The following TXNL4B variants were observed in gnomAD, a reference collection of about 807,000 sequenced individuals.
The protein encoded by TXNL4B is thioredoxin like 4B, also known as thioredoxin-like protein 4B.
In TXNL4B, 12 loss-of-function variants were observed where a neutral mutation model predicts 13.0. The ratio of observed to expected loss-of-function variants is 0.92; its 90% CI spans 0.59 to 1.49. The LOEUF is 1.49. Ranked by LOEUF, TXNL4B falls within the 40% of genes most tolerant of loss-of-function variation. TXNL4B has a pLI of 0.00. For synonymous variants in TXNL4B, 59 were observed against 58.9 expected (o/e 1.00, Z -0.01); for missense variants, 214 against 173.6 (o/e 1.23, Z -1.31).
In TXNL4B at chr16:72,089,158, C is replaced by A. The variant is rs1360553051; in HGVS notation, c.133-20G>T. 6.3e-7 allele frequency: 1 copy of A among 1,594,080 alleles called. No individual in the cohort carries two copies. Among genetic ancestry groups the A allele is most frequent in the Middle Eastern group, 1.7e-4 (1 of 6,012 alleles). On this transcript the variant is annotated intron_variant, in intron 2 of 3. Coordinates refer to ENST00000268483, the MANE Select transcript of TXNL4B (RefSeq NM_017853.3). Reference sequence around the variant, plus strand: ...AGAAAGCTGCAAATGACGAGAGAGACAAAGGTTACAATATGAGAGGCAGCT... The same window carrying A: ...AGAAAGCTGCAAATGACGAGAGAGAAAAAGGTTACAATATGAGAGGCAGCT...
At chr16:72,087,262 T>G (rs1264072656) in intron 3 of TXNL4B, 1 of 153,474 alleles carries the variant, frequency 6.5e-6, no homozygotes, top group Non-Finnish European at 1.4e-5. Flanking sequence ...GTAAAAATTT[T>G]AAAGAAATAA....
intron 2 of TXNL4B, among the ~76,000 whole-genome samples, chr16:72,089,831 CAG>C (rs1286149551): frequency 1.3e-5 from 2 of 152,142 alleles, no homozygotes; most frequent in Non-Finnish European, 2.9e-5. Context: ...TATATGCTAT[CAG>C]AGTCCCCATT....
In TXNL4B at chr16:72,093,464, C is replaced by G. The variant is rs2041951068; in HGVS notation, c.-135G>C. 6.6e-6 allele frequency: 1 copy of G among 152,300 alleles called. No homozygotes were observed. The highest frequency in any genetic ancestry group is 6.5e-5 in the Admixed American group (1 of 15,292). The allele number at this position is 152,300 out of a possible 1,614,324, so 9.4% of individuals were successfully genotyped here. ...CGCGGACAGCTCCTTTCATCAGCCC[C>G]AAGCCGGACAGGACCCTAAGACCAA... On this transcript the variant is annotated 5_prime_UTR_variant, in exon 1 of 4. Transcript: ENST00000268483.
intron 2 of TXNL4B, 87 bp from the exon 3 acceptor site, chr16:72,089,225 T>G (rs532894306): frequency 1.6e-6 from 2 of 1,268,188 alleles, no homozygotes; most frequent in African/African-American, 3.0e-5. Flanking sequence ...ACAGAGTGTT[T>G]TGTTTGAAAA....
chr16:72,091,217 C>T (rs1308659363), intron 1 of TXNL4B, among the ~76,000 whole-genome samples: 1 of 152,100 alleles, frequency 6.6e-6, no homozygotes, highest in Admixed American at 6.5e-5. Flanking sequence ...TACTTTGGGG[C>T]TAGTAACAGC....
chr16:72,086,725 C>A lies in TXNL4B; in HGVS notation c.362G>T (p.Arg121Leu). The change falls in exon 4 of 4, where the codon CGA (arginine) becomes CTA (leucine). Residue 121 changes from arginine (R) to leucine (L), a missense_variant. By Grantham distance (102) the Arg-to-Leu change is moderately radical. Transcript: ENST00000268483. ...DFIDLIEVIYRGAMRGKLIVQ... is the reference protein window; with the variant it reads ...DFIDLIEVIYLGAMRGKLIVQ... ...AATAAGCTTCCCCCTCATTGCTCCTCGATAGATTACTTCAATCAAATCTAT... is the reference window on the plus strand; with the variant it reads ...AATAAGCTTCCCCCTCATTGCTCCTAGATAGATTACTTCAATCAAATCTAT... The A allele has an allele frequency of 1.2e-6, 2 of 1,613,824 alleles. No individual in the cohort carries two copies. The highest frequency in any genetic ancestry group is 1.7e-6 in the Non-Finnish European group (2 of 1,179,738).
rs574388203 is a variant in TXNL4B, at chr16:72,089,603, G to A, written c.133-465C>T. Among the ~76,000 whole-genome samples the A allele has an allele frequency of 1.2e-4, 18 of 152,270 alleles. No individual in the cohort carries two copies. In the East Asian group the frequency reaches 3.5e-3, roughly 29 times the overall value. ...CTTCCTTTAATTTCTTTCTTTGAAT[G>A]CTTTTATAAAAGTAGCCCATGCTCA... On this transcript the variant is annotated intron_variant, in intron 2 of 3. Coordinates refer to ENST00000268483, the MANE Select transcript of TXNL4B (RefSeq NM_017853.3).
intron 1 of TXNL4B, among the ~76,000 whole-genome samples, chr16:72,092,350 T>C (rs532583945): frequency 5.3e-5 from 8 of 151,812 alleles, no homozygotes; most frequent in South Asian, 2.1e-4. Flanking sequence ...GAGGCGGAGG[T>C]TGCAGTGAGC....
intron 3 of TXNL4B, among the ~76,000 whole-genome samples, chr16:72,088,469 G>C (rs1453273375): frequency 6.6e-6 from 1 of 152,192 alleles, no homozygotes; most frequent in Non-Finnish European, 1.5e-5. Flanking sequence ...TTCTTGACAG[G>C]CTTTGTTGAA....
Position 72,085,001 on chromosome 16 carries a change from G to A in TXNL4B, c.*1636C>T. ...TTTTACGTGATGCTGGGCACCTCGGGGACCTAAGATGGCTGTTGTAGCTCC... is the reference window on the plus strand; with the variant it reads ...TTTTACGTGATGCTGGGCACCTCGGAGACCTAAGATGGCTGTTGTAGCTCC... On this transcript the variant is annotated 3_prime_UTR_variant, in exon 4 of 4. Transcript: ENST00000268483. The A allele has an allele frequency of 1.3e-5, 5 of 398,588 alleles. No individual in the cohort carries two copies. Among genetic ancestry groups the A allele is most frequent in the Non-Finnish European group, 2.2e-5 (5 of 226,086 alleles). The allele number at this position is 398,588 out of a possible 1,614,324, so 24.7% of individuals were successfully genotyped here.
intron 3 of TXNL4B, among the ~76,000 whole-genome samples, chr16:72,087,805 C>T (rs1427342712): frequency 1.3e-5 from 2 of 152,102 alleles, no homozygotes; most frequent in Admixed American, 6.5e-5. Context: ...GTTGGGATTA[C>T]AGGCACCCAC....
intron 1 of TXNL4B, 145 bp from the exon 2 acceptor site, chr16:72,090,931 C>A: frequency 1.5e-6 from 1 of 672,588 alleles, no homozygotes. Flanking sequence ...GTTTCCCTCT[C>A]TTTGTCCCTG....
At chr16:72,090,887 T>C in intron 1 of TXNL4B, 101 bp from the exon 2 acceptor site, 2 of 928,204 alleles carry the variant, frequency 2.2e-6, no homozygotes, top group Non-Finnish European at 3.2e-6. Flanking sequence ...TCACATGGTA[T>C]GAAAGAAACA....
At chr16:72,086,863 CT>C (rs2041831061) in intron 3 of TXNL4B, 61 bp from the exon 4 acceptor site, 1 of 1,321,640 alleles carries the variant, frequency 7.6e-7, no homozygotes, top group African/African-American at 1.5e-5. Context: ...TTGTTGAAGA[CT>C]TTCAGGATAA....
At chr16:72,087,938 G>C (rs1189210231) in intron 3 of TXNL4B, among the ~76,000 whole-genome samples, 1 of 152,132 alleles carries the variant, frequency 6.6e-6, no homozygotes, top group African/African-American at 2.4e-5. Context: ...TTCTGCCTCA[G>C]CCTCCAGAGT....
Position 72,084,999 on chromosome 16 carries a change from G to A in TXNL4B, c.*1638C>T, listed in dbSNP as rs138220354. 3.8e-5 allele frequency: 15 copies of A among 398,516 alleles called. No individual in the cohort carries two copies. Among genetic ancestry groups the A allele is most frequent in the Non-Finnish European group, 6.2e-5 (14 of 226,058 alleles). The allele number at this position is 398,516 out of a possible 1,614,324, so 24.7% of individuals were successfully genotyped here. A position where few individuals can be genotyped will look rare whatever the true frequency, so the allele number is the denominator to read the frequency against. On this transcript the variant is annotated 3_prime_UTR_variant, in exon 4 of 4. Coordinates refer to ENST00000268483, the MANE Select transcript of TXNL4B (RefSeq NM_017853.3). Reference sequence around the variant, plus strand: ...TGTTTTACGTGATGCTGGGCACCTCGGGGACCTAAGATGGCTGTTGTAGCT... The same window carrying A: ...TGTTTTACGTGATGCTGGGCACCTCAGGGACCTAAGATGGCTGTTGTAGCT...
chr16:72,088,886 G>A, intron 3 of TXNL4B, 101 bp downstream of exon 3: 2 of 874,310 alleles, frequency 2.3e-6, no homozygotes, highest in Non-Finnish European at 3.6e-6. Flanking sequence ...ACTGATATAA[G>A]ACTCACAGAG....
At chr16:72,093,738 G>A (rs1379880252), upstream of TXNL4B, 2 of 152,372 alleles carry the variant, frequency 1.3e-5, no homozygotes, top group East Asian at 3.8e-4. Context: ...CCAGACTAGA[G>A]GCGGGATGTA....
At position 72,087,292 on chromosome 16, in the gene TXNL4B, CAG is replaced by C. The variant is rs747433592; in HGVS notation, c.285-492_285-491del. ...AAATAAATAAAATCACGGATGAGGCCAGAGGTCACTTTTCAGTGTCTATCCTT... is the reference window on the plus strand; with the variant it reads ...AAATAAATAAAATCACGGATGAGGCCAGGTCACTTTTCAGTGTCTATCCTT... On this transcript the variant is annotated intron_variant, in intron 3 of 3. Transcript: ENST00000268483. 34 of 149,570 alleles carry C rather than the reference CAG, an allele frequency of 2.3e-4. 2 individuals carry two copies. Among genetic ancestry groups the C allele is most frequent in the Admixed American group, 1.1e-3 (16 of 15,064 alleles). 9.3% of individuals were successfully genotyped at this position (149,570 alleles called of 1,614,324 possible).
Sources: allele counts gnomAD v4.1 joint callset (sites outside exome capture counted in the v4.1 genomes callset), GRCh38; gene constraint gnomAD v4.1.1; transcripts MANE v1.5; gene names NCBI Gene and HGNC (gene_info 2026-07-23, HGNC 2026-07-21).